Variants in ZBTB34 observed in about 807,000 individuals in gnomAD.
ZBTB34 encodes the protein zinc finger and BTB domain containing 34.
A neutral mutation model predicts 33.4 loss-of-function variants in ZBTB34; 1 was observed. That is an observed-to-expected ratio of 0.03 (90% CI 0.01 to 0.14). The LOEUF is 0.14. Ranked by LOEUF, ZBTB34 falls within the 10% of genes least tolerant of loss-of-function variation. The probability of loss-of-function intolerance (pLI) is 1.00; values close to 1 mark genes in which losing one functional copy is unlikely to be tolerated. For synonymous variants in ZBTB34, 283 were observed against 253.5 expected (o/e 1.12, Z -1.11); for missense variants, 406 against 657.2 (o/e 0.62, Z 4.18).
intron 1 of ZBTB34, among the ~76,000 whole-genome samples, chr9:126,873,167 G>C (rs2033303927): frequency 6.6e-6 from 1 of 152,186 alleles, no homozygotes. Flanking sequence ...AGAATGCTAT[G>C]ATGAGTAGGT....
intron 1 of ZBTB34, among the ~76,000 whole-genome samples, chr9:126,865,917 G>A (rs569838497): frequency 3.3e-5 from 5 of 152,126 alleles, no homozygotes; most frequent in African/African-American, 9.7e-5. Context: ...CCTGGGTGGC[G>A]GAGGTTACAG....
intron 1 of ZBTB34, among the ~76,000 whole-genome samples, chr9:126,874,627 G>A (rs1457663328): frequency 6.6e-6 from 1 of 152,054 alleles, no homozygotes; most frequent in Non-Finnish European, 1.5e-5. Flanking sequence ...TGGCCCGTGA[G>A]GCCATCTCAG....
Position 126,879,882 on chromosome 9 carries a change from T to A in ZBTB34, c.483T>A (p.Phe161Leu), listed in dbSNP as rs1299037219. Reference sequence around the variant, plus strand: ...ACGGAGTGAAAGACAGCAGCTTCTTTGCCAACCCAGTGGAGATCTCTCCTC... The same window carrying A: ...ACGGAGTGAAAGACAGCAGCTTCTTAGCCAACCCAGTGGAGATCTCTCCTC... The change falls in exon 2 of 2, where the codon TTT (phenylalanine) becomes TTA (leucine). Residue 161 changes from phenylalanine (F) to leucine (L), a missense_variant. Coordinates refer to ENST00000319119, the Ensembl canonical transcript of ZBTB34. This position sits in a 1 kb window ranked among gnomAD's most constrained non-coding sequence, Gnocchi z 6.4. The A allele has an allele frequency of 2.5e-6, 4 of 1,612,986 alleles. No individual in the cohort carries two copies. Among genetic ancestry groups the A allele is most frequent in the Non-Finnish European group, 8.5e-7 (1 of 1,179,874 alleles).
At chr9:126,876,896 TA>T (rs1408796814) in intron 1 of ZBTB34, among the ~76,000 whole-genome samples, 6 of 152,016 alleles carry the variant, frequency 3.9e-5, no homozygotes, top group East Asian at 1.9e-4. Context: ...TTCGATGTGA[TA>T]AAAAAAAATT....
At chr9:126,885,044 C>G (rs1003581098) in exon 2 of ZBTB34, 2 of 167,044 alleles carry the variant, frequency 1.2e-5, no homozygotes, top group African/African-American at 4.8e-5. Flanking sequence ...CTATCTAGTT[C>G]ATAAATCATA....
chr9:126,875,479 G>A lies in ZBTB34; in HGVS notation c.-10-3911G>A, dbSNP rs117403491. The stretch of plus-strand genomic sequence containing the variant: ...TATTGAATCATCCTGCCAGAAGCAT[G>A]TTCTCTCTCTTCATTTATACAGGCT... On this transcript the variant is annotated intron_variant, in intron 1 of 1. Coordinates refer to ENST00000319119, the Ensembl canonical transcript of ZBTB34. Among the ~76,000 whole-genome samples the A allele has an allele frequency of 6.3e-3, 953 of 152,154 alleles. 38 individuals carry two copies. In the East Asian group the frequency reaches 0.1, roughly 16 times the overall value.
chr9:126,879,648 G>A lies in ZBTB34; in HGVS notation c.249G>A (p.Val83=). The change falls in exon 2 of 2, where the codon GTG becomes GTA. Residue 83 remains valine (V), a synonymous_variant. Transcript: ENST00000319119. This position sits in a 1 kb window ranked among gnomAD's most constrained non-coding sequence, Gnocchi z 6.4. ...TATCAGTGATTAAAAATCCCAATGTGTTTGAGCAGTTGCTTTCTTTTTGTT... is the reference window on the plus strand; with the variant it reads ...TATCAGTGATTAAAAATCCCAATGTATTTGAGCAGTTGCTTTCTTTTTGTT... The A allele has an allele frequency of 6.2e-7, 1 of 1,613,718 alleles. No homozygotes were observed. Among genetic ancestry groups the A allele is most frequent in the East Asian group, 2.2e-5 (1 of 44,890 alleles).
At position 126,879,709 on chromosome 9, in the gene ZBTB34, G is replaced by A; in HGVS notation, c.310G>A (p.Val104Ile). 1 of 1,613,576 alleles carries A rather than the reference G, an allele frequency of 6.2e-7. No individual in the cohort carries two copies. Among genetic ancestry groups the A allele is most frequent in the Non-Finnish European group, 8.5e-7 (1 of 1,179,892 alleles). Reference sequence around the variant, plus strand: ...AATGTCCTTGCAGCTGAAGGATGTTGTCAGTTTTCTGACTGCAGCCAGCTT... The same window carrying A: ...AATGTCCTTGCAGCTGAAGGATGTTATCAGTTTTCTGACTGCAGCCAGCTT... Residue 104 changes from valine (V) to isoleucine (I), a missense_variant, in exon 2 of 2, where the codon GTC becomes ATC. Val to Ile is a conservative substitution (Grantham distance 29). This residue lies in a region of ZBTB34 where 50 missense variants were observed against 157.9 expected (regional missense o/e 0.32). Transcript: ENST00000319119. The surrounding 1 kb of genome is among the most constrained non-coding windows in gnomAD (Gnocchi z 6.4).
In ZBTB34 at chr9:126,879,786, C is replaced by T; in HGVS notation, c.387C>T (p.Ile129=). Residue 129 remains isoleucine, a synonymous_variant, in exon 2 of 2, where the codon ATC becomes ATT. Coordinates refer to ENST00000319119, the Ensembl canonical transcript of ZBTB34. This position sits in a 1 kb window ranked among gnomAD's most constrained non-coding sequence, Gnocchi z 6.4. ...AGTGCACGCAGATCCTAGAGAGCAT[C>T]CATTCCAAAATCAGCGTTGGAGATG... is the stretch of plus-strand genomic sequence containing the variant. 6.2e-7 allele frequency: 1 copy of T among 1,613,398 alleles called. No individual in the cohort carries two copies. Among genetic ancestry groups the T allele is most frequent in the Non-Finnish European group, 8.5e-7 (1 of 1,179,902 alleles).
intron 1 of ZBTB34, among the ~76,000 whole-genome samples, chr9:126,872,219 G>C (rs1202050156): frequency 6.6e-6 from 1 of 152,154 alleles, no homozygotes; most frequent in Non-Finnish European, 1.5e-5. Flanking sequence ...CCAAAGTGCT[G>C]GGATTACAGG....
intron 1 of ZBTB34, among the ~76,000 whole-genome samples, chr9:126,864,839 CT>C (rs2033180238): frequency 6.6e-6 from 1 of 152,082 alleles, no homozygotes; most frequent in African/African-American, 2.4e-5. Flanking sequence ...GTTACCATGC[CT>C]TTTGTCTGCG....
intron 1 of ZBTB34, among the ~76,000 whole-genome samples, chr9:126,871,487 C>T (rs919798682): frequency 2.6e-5 from 4 of 151,560 alleles, no homozygotes; most frequent in South Asian, 2.1e-4. Flanking sequence ...CTCAGCCTCC[C>T]GAGTAGCTGG....
chr9:126,868,204 G>A (rs2033233686), intron 1 of ZBTB34, among the ~76,000 whole-genome samples: 1 of 151,820 alleles, frequency 6.6e-6, no homozygotes, highest in African/African-American at 2.4e-5. Flanking sequence ...GTGTGTTGTT[G>A]CAGAGCAGCC....
intron 1 of ZBTB34, among the ~76,000 whole-genome samples, chr9:126,867,656 C>T (rs920667816): frequency 2.0e-5 from 3 of 150,870 alleles, no homozygotes; most frequent in African/African-American, 7.3e-5. Flanking sequence ...TTTACGTTGT[C>T]GAATGTATTT....
chr9:126,861,711 T>G (rs893177354), intron 1 of ZBTB34, among the ~76,000 whole-genome samples: 2 of 152,226 alleles, frequency 1.3e-5, no homozygotes, highest in East Asian at 1.9e-4. Context: ...TAGTAGTAGT[T>G]AATCACATTC....
intron 1 of ZBTB34, among the ~76,000 whole-genome samples, chr9:126,878,315 C>G (rs2033388611): frequency 6.6e-6 from 1 of 151,866 alleles, no homozygotes; most frequent in Admixed American, 6.6e-5. Context: ...TCTAAAAATA[C>G]AAAAATTAAC....
intron 1 of ZBTB34, among the ~76,000 whole-genome samples, chr9:126,873,351 C>T (rs2033306546): frequency 6.6e-6 from 1 of 152,054 alleles, no homozygotes; most frequent in Non-Finnish European, 1.5e-5. Context: ...GTAACCTTGA[C>T]CTCCAGGACT....
At position 126,879,385 on chromosome 9, in the gene ZBTB34, C is replaced by A; in HGVS notation, c.-10-5C>A. On this transcript the variant is annotated splice_polypyrimidine_tract_variant and splice_region_variant and intron_variant, in intron 1 of 1. Transcript: ENST00000319119. The surrounding 1 kb of genome is among the most constrained non-coding windows in gnomAD (Gnocchi z 6.4). ...GTGAATGATGCAAACTCTCTCTCTC[C>A]GCAGAGTACGCTTCATGTCAGTAGA... 1 of 1,591,752 alleles carries A rather than the reference C, an allele frequency of 6.3e-7. No individual in the cohort carries two copies. The highest frequency in any genetic ancestry group is 8.6e-7 in the Non-Finnish European group (1 of 1,167,766).
intron 1 of ZBTB34, among the ~76,000 whole-genome samples, chr9:126,862,151 G>A (rs1032297168): frequency 2.6e-5 from 4 of 152,146 alleles, no homozygotes; most frequent in African/African-American, 4.8e-5. Context: ...ATTTGAGCCG[G>A]GTGTTAAAGG....
Sources: allele counts gnomAD v4.1 joint callset (sites outside exome capture counted in the v4.1 genomes callset), GRCh38; gene constraint gnomAD v4.1.1; regional missense constraint gnomAD v4.1.1; non-coding constraint Gnocchi (gnomAD v3.1); transcripts MANE v1.5; gene names NCBI Gene and HGNC (gene_info 2026-07-23, HGNC 2026-07-21).